Variants in FHIT observed in about 807,000 individuals in gnomAD.
FHIT encodes bis(5'-adenosyl)-triphosphatase.
FHIT carries 19 observed loss-of-function variants against 17.9 expected under a neutral mutation model. The observed-to-expected ratio is 1.06, with a 90% CI of 0.74 to 1.56. The LOEUF (loss-of-function observed/expected upper bound fraction) is 1.56, where lower values mean the gene tolerates loss of function less well. FHIT is among the 40% of genes most tolerant of loss of function. The probability of loss-of-function intolerance (pLI) is 0.00; values close to 1 mark genes in which losing one functional copy is unlikely to be tolerated. For synonymous variants in FHIT, 81 were observed against 69.7 expected (o/e 1.16, Z -0.81); for missense variants, 248 against 189.2 (o/e 1.31, Z -1.82).
intron 2 of FHIT, among the ~76,000 whole-genome samples, chr3:61,175,508 T>C (rs2038131179): frequency 6.6e-6 from 1 of 152,126 alleles, no homozygotes; most frequent in Non-Finnish European, 1.5e-5. Flanking sequence ...AATGATGGTG[T>C]CCCTTCCAAA....
chr3:60,239,494 G>C (rs554640180), intron 5 of FHIT, among the ~76,000 whole-genome samples: 11 of 152,158 alleles, frequency 7.2e-5, no homozygotes, highest in Non-Finnish European at 1.6e-4. Flanking sequence ...ATGCCCAGGA[G>C]CTCAAGGCTG....
chr3:59,882,962 T>C (rs901366622), intron 8 of FHIT, among the ~76,000 whole-genome samples: 5 of 152,196 alleles, frequency 3.3e-5, no homozygotes, highest in African/African-American at 1.2e-4. Flanking sequence ...GGAAATTATT[T>C]TCTTGGCAGT....
At chr3:61,232,999 G>A (rs1438401704) in intron 1 of FHIT, among the ~76,000 whole-genome samples, 1 of 152,130 alleles carries the variant, frequency 6.6e-6, no homozygotes, top group Admixed American at 6.5e-5. Flanking sequence ...CTACCTTAAG[G>A]GAGATGGGTA....
chr3:59,975,838 G>C (rs1708384431), intron 7 of FHIT, among the ~76,000 whole-genome samples: 2 of 151,238 alleles, frequency 1.3e-5, no homozygotes, highest in African/African-American at 2.4e-5. Context: ...GAGTGAGGTA[G>C]GACCTAACAG....
chr3:60,530,203 T>C lies in FHIT; in HGVS notation c.103+6657A>G, dbSNP rs185356885. Among the ~76,000 whole-genome samples the C allele has an allele frequency of 2.0e-5, 3 of 152,214 alleles. No individual in the cohort carries two copies. In the South Asian group the frequency reaches 6.2e-4, roughly 32 times the overall value. On this transcript the variant is annotated intron_variant, in intron 5 of 9. Coordinates refer to ENST00000492590, the MANE Select transcript of FHIT (RefSeq NM_002012.4). ...GGACCTAGTAACCCACAAGGCTACT[T>C]TGTACATACATATCCTCACCAGAGA...
At chr3:60,188,731 C>T (rs1702272278) in intron 5 of FHIT, among the ~76,000 whole-genome samples, 1 of 152,086 alleles carries the variant, frequency 6.6e-6, no homozygotes, top group South Asian at 2.1e-4. Context: ...TAAAGACAAA[C>T]ATGCACAATT....
rs114325099 is a variant in FHIT at position 60,386,824 on chromosome 3, C to A, written c.103+150036G>T. Reference sequence around the variant, plus strand: ...TGGTAGGTGCTGACCACTTTACATGCATCAACTGACCTTTAAACAGAACTA... The same window carrying A: ...TGGTAGGTGCTGACCACTTTACATGAATCAACTGACCTTTAAACAGAACTA... On this transcript the variant is annotated intron_variant, in intron 5 of 9. Transcript: ENST00000492590. 3.8e-3 allele frequency among the ~76,000 whole-genome samples: 575 copies of A among 152,244 alleles called. 8 individuals are homozygous for A. Among genetic ancestry groups the A allele is most frequent in the African/African-American group, 0.013 (554 of 41,548 alleles).
At chr3:61,226,260 C>T (rs533842399) in intron 1 of FHIT, among the ~76,000 whole-genome samples, 26 of 152,222 alleles carry the variant, frequency 1.7e-4, no homozygotes, top group Middle Eastern at 3.4e-3. Flanking sequence ...AAATCTCAGG[C>T]CTTTTGATAA....
intron 5 of FHIT, among the ~76,000 whole-genome samples, chr3:60,251,408 G>T (rs80259960): frequency 0.033 from 5,013 of 152,032 alleles, 278 homozygotes; most frequent in African/African-American, 0.12. Flanking sequence ...ACCACCCTGA[G>T]AAAAAAGTAC....
intron 5 of FHIT, among the ~76,000 whole-genome samples, chr3:60,308,490 G>GTGTATATA (rs1471416743): frequency 4.0e-5 from 3 of 74,988 alleles, no homozygotes; most frequent in African/African-American, 1.2e-4. Context: ...AGGTATAGGT[G>GTGTATATA]TATGTGTATA....
At position 59,987,035 on chromosome 3, in the gene FHIT, T is replaced by C. The variant is rs1162213051; in HGVS notation, c.279+24336A>G. ...AATAAAAAAATAAAAATATAAAATA[T>C]ATAAAATATATAAAAATATAAAATA... On this transcript the variant is annotated intron_variant, in intron 7 of 9. Coordinates refer to ENST00000492590, the MANE Select transcript of FHIT (RefSeq NM_002012.4). Among the ~76,000 whole-genome samples the C allele has an allele frequency of 9.3e-5, 10 of 108,042 alleles. No homozygotes were observed. In the East Asian group the frequency reaches 2.0e-3, roughly 22 times the overall value. The allele number at this position is 108,042 out of a possible 152,430, so 70.9% of individuals were successfully genotyped here. A position where few individuals can be genotyped will look rare whatever the true frequency, so the allele number is the denominator to read the frequency against.
intron 5 of FHIT, among the ~76,000 whole-genome samples, chr3:60,373,510 T>A (rs562479235): frequency 1.3e-5 from 2 of 152,066 alleles, no homozygotes; most frequent in Non-Finnish European, 2.9e-5. Context: ...TCTTAGGACA[T>A]CAGAACTTTC....
At chr3:59,795,216 T>C (rs1699729250) in intron 8 of FHIT, among the ~76,000 whole-genome samples, 1 of 151,954 alleles carries the variant, frequency 6.6e-6, no homozygotes, top group South Asian at 2.1e-4. Flanking sequence ...TGAAACCCCG[T>C]CTCTATTAAA....
intron 8 of FHIT, among the ~76,000 whole-genome samples, chr3:59,879,039 C>G (rs1276451804): frequency 6.6e-6 from 1 of 151,962 alleles, no homozygotes; most frequent in Non-Finnish European, 1.5e-5. Context: ...GAAGAAAGGG[C>G]ACATTCTATC....
intron 4 of FHIT, among the ~76,000 whole-genome samples, chr3:60,592,171 TTA>T (rs1363580362): frequency 9.1e-4 from 135 of 147,702 alleles, no homozygotes; most frequent in Non-Finnish European, 2.4e-4. Flanking sequence ...ATATATATTA[TTA>T]TATATATATT....
chr3:60,170,487 C>T (rs184731366), intron 5 of FHIT, among the ~76,000 whole-genome samples: 103 of 152,274 alleles, frequency 6.8e-4, no homozygotes, highest in African/African-American at 2.3e-3. Context: ...AGAAATCATT[C>T]TAAGTACATC....
intron 8 of FHIT, among the ~76,000 whole-genome samples, chr3:59,790,037 C>T (rs911695749): frequency 2.6e-5 from 4 of 152,148 alleles, no homozygotes; most frequent in African/African-American, 9.7e-5. Context: ...CTCTGTTATC[C>T]ACTGCTATTT....
chr3:60,232,080 A>G (rs1023680666), intron 5 of FHIT, among the ~76,000 whole-genome samples: 2 of 152,174 alleles, frequency 1.3e-5, no homozygotes, highest in Non-Finnish European at 2.9e-5. Context: ...TTCATTCTTG[A>G]ATAGGAACTT....
At chr3:60,440,793 G>C (rs540990619) in intron 5 of FHIT, among the ~76,000 whole-genome samples, 1 of 152,106 alleles carries the variant, frequency 6.6e-6, no homozygotes, top group South Asian at 2.1e-4. Flanking sequence ...TAATAAAGTA[G>C]ACTCTTTCAC....
Sources: allele counts gnomAD v4.1 joint callset (sites outside exome capture counted in the v4.1 genomes callset), GRCh38; gene constraint gnomAD v4.1.1; transcripts MANE v1.5; gene names NCBI Gene and HGNC (gene_info 2026-07-23, HGNC 2026-07-21).